The following FHOD3 variants were observed in gnomAD, a reference collection of about 807,000 sequenced individuals.
FHOD3 encodes the protein FH1/FH2 domain-containing protein 3.
FHOD3 carries 90 observed loss-of-function variants against 173.0 expected under a neutral mutation model. The observed-to-expected ratio is 0.52, with a 90% CI of 0.44 to 0.62. FHOD3 has a LOEUF of 0.62. FHOD3 is among the 20% of genes least tolerant of loss of function. The pLI is 0.00. For missense variants in FHOD3, 1,945 were observed against 2,034.7 expected (o/e 0.96, Z 0.85); for synonymous variants, 828 against 823.0 (o/e 1.01, Z -0.10).
chr18:36,568,326 CAAAAAAAAAAAAAAAAAAAAAAA>C (rs71168234), intron 5 of FHOD3, among the ~76,000 whole-genome samples: 7 of 24,064 alleles, frequency 2.9e-4, no homozygotes, highest in South Asian at 1.4e-3. Flanking sequence ...GACTCTGTCT[CAAAAAAAAAAAAAAAAAAAAAAA>C]AAAAAAAAAA....
chr18:36,698,857 G>C (rs927032973), intron 17 of FHOD3, among the ~76,000 whole-genome samples: 1 of 152,202 alleles, frequency 6.6e-6, no homozygotes, highest in African/African-American at 2.4e-5. Context: ...AGGGTGATGT[G>C]AATAGGGCCC....
chr18:36,746,904 G>A (rs201806181), intron 23 of FHOD3, 41 bp from the exon 24 acceptor site: 121 of 1,497,720 alleles, frequency 8.1e-5, no homozygotes, highest in East Asian at 1.7e-4. Flanking sequence ...GCTGGTGTCC[G>A]GCGGTTTCAG....
At chr18:36,325,296 T>G (rs1171561768) in intron 1 of FHOD3, among the ~76,000 whole-genome samples, 1 of 152,096 alleles carries the variant, frequency 6.6e-6, no homozygotes, top group Non-Finnish European at 1.5e-5. Flanking sequence ...TTATATAGCT[T>G]TCTACACGTG....
chr18:36,325,279 CATTGA>C (rs200020956), intron 1 of FHOD3, among the ~76,000 whole-genome samples: 5,057 of 151,996 alleles, frequency 0.033, 267 homozygotes, highest in African/African-American at 0.11. Flanking sequence ...CTATGAGATT[CATTGA>C]TTTATATAGC....
chr18:36,639,708 AGCTACTCGGGAGGCTGAG>A (rs1286044746), intron 10 of FHOD3, among the ~76,000 whole-genome samples: 1 of 151,058 alleles, frequency 6.6e-6, no homozygotes, highest in Non-Finnish European at 1.5e-5. Context: ...CTGTAGTCCC[AGCTACTCGGGAGGCTGAG>A]GCAGGAGAAT....
At chr18:36,675,097 A>C (rs2037763871) in intron 14 of FHOD3, among the ~76,000 whole-genome samples, 1 of 152,090 alleles carries the variant, frequency 6.6e-6, no homozygotes. Flanking sequence ...GATTGTCAGC[A>C]CACTGGGTTG....
chr18:36,625,367 G>A (rs1278205833), intron 9 of FHOD3, 144 bp from the exon 10 acceptor site: 2 of 647,042 alleles, frequency 3.1e-6, no homozygotes, highest in Non-Finnish European at 4.7e-6. Context: ...TGGTTGTGAA[G>A]ACCTGGCAGG....
intron 9 of FHOD3, among the ~76,000 whole-genome samples, chr18:36,621,776 G>T (rs190815883): frequency 2.0e-5 from 3 of 152,112 alleles, no homozygotes; most frequent in Non-Finnish European, 2.9e-5. Flanking sequence ...CAAAGTTAAA[G>T]AAAAAAACTG....
chr18:36,474,366 G>C (rs976603455), intron 3 of FHOD3, among the ~76,000 whole-genome samples: 9 of 152,212 alleles, frequency 5.9e-5, no homozygotes, highest in Non-Finnish European at 1.0e-4. Flanking sequence ...GGAAGGGAGA[G>C]AATAAGGATT....
intron 27 of FHOD3, among the ~76,000 whole-genome samples, chr18:36,762,128 G>A (rs181818280): frequency 6.6e-6 from 1 of 152,232 alleles, no homozygotes; most frequent in East Asian, 1.9e-4. Flanking sequence ...GTGCTTTTTG[G>A]AATCTTGCTG....
chr18:36,485,843 A>G (rs920512509), intron 3 of FHOD3, among the ~76,000 whole-genome samples: 2 of 152,138 alleles, frequency 1.3e-5, no homozygotes, highest in Non-Finnish European at 2.9e-5. Context: ...AGGACCACAA[A>G]GGTTCCCAGC....
chr18:36,511,351 G>A lies in FHOD3; in HGVS notation c.406-1087G>A, dbSNP rs141199512. Among the ~76,000 whole-genome samples the A allele has an allele frequency of 4.8e-4, 71 of 146,608 alleles. 1 individual carries two copies. Among genetic ancestry groups the A allele is most frequent in the Middle Eastern group, 3.5e-3 (1 of 284 alleles). ...TGGGTCTGGCTAGTTAAATGATCTTGCCAATGTTTTTTTTTTTCTTTTCTT... is the reference window on the plus strand; with the variant it reads ...TGGGTCTGGCTAGTTAAATGATCTTACCAATGTTTTTTTTTTTCTTTTCTT... On this transcript the variant is annotated intron_variant, in intron 4 of 28. Transcript: ENST00000590592.
At chr18:36,560,317 T>G (rs1213033779) in intron 5 of FHOD3, among the ~76,000 whole-genome samples, 1 of 152,198 alleles carries the variant, frequency 6.6e-6, no homozygotes, top group Non-Finnish European at 1.5e-5. Context: ...GACCTTGGAA[T>G]GAGGACTGTT....
At chr18:36,450,256 C>A (rs1200798519) in intron 3 of FHOD3, among the ~76,000 whole-genome samples, 3 of 152,116 alleles carry the variant, frequency 2.0e-5, no homozygotes, top group African/African-American at 7.2e-5. Flanking sequence ...AATTCTACTT[C>A]TGACGAGCAG....
At position 36,482,822 on chromosome 18, in the gene FHOD3, A is replaced by AACACACAC. The variant is rs1202251220; in HGVS notation, c.338-19093_338-19086dup. Reference sequence around the variant, plus strand: ...CTATTCCGAGATCATCCGGTGAACAAACACACACACACACACACACACACT... The same window carrying AACACACAC: ...CTATTCCGAGATCATCCGGTGAACAAACACACACACACACACACACACACACACACACT... On this transcript the variant is annotated intron_variant, in intron 3 of 28. Transcript: ENST00000590592. Among the ~76,000 whole-genome samples, 471 of 92,402 alleles carry AACACACAC rather than the reference A, an allele frequency of 5.1e-3. 6 individuals carry two copies. Among genetic ancestry groups the AACACACAC allele is most frequent in the East Asian group, 0.018 (41 of 2,302 alleles). 60.6% of individuals were successfully genotyped at this position (92,402 alleles called of 152,430 possible). A position where few individuals can be genotyped will look rare whatever the true frequency, so the allele number is the denominator to read the frequency against.
intron 14 of FHOD3, among the ~76,000 whole-genome samples, chr18:36,673,326 T>G (rs953758065): frequency 1.3e-5 from 2 of 152,208 alleles, no homozygotes; most frequent in Non-Finnish European, 2.9e-5. Context: ...ATGGAACAAA[T>G]GAACTGTTTA....
intron 9 of FHOD3, among the ~76,000 whole-genome samples, chr18:36,615,549 A>G (rs575122084): frequency 1.2e-4 from 18 of 152,348 alleles, no homozygotes; most frequent in Admixed American, 9.8e-4. Context: ...GAATCTTATT[A>G]GCAAACATGT....
chr18:36,365,568 A>T (rs1337836933), intron 2 of FHOD3, among the ~76,000 whole-genome samples: 1 of 152,194 alleles, frequency 6.6e-6, no homozygotes, highest in African/African-American at 2.4e-5. Flanking sequence ...GTGTTTTTGC[A>T]TTGATGAAAA....
At chr18:36,404,454 C>G (rs971567902) in intron 3 of FHOD3, among the ~76,000 whole-genome samples, 2 of 152,204 alleles carry the variant, frequency 1.3e-5, no homozygotes, top group African/African-American at 4.8e-5. Flanking sequence ...CAGCAGCTGA[C>G]ACCTAAAAGG....
Sources: allele counts gnomAD v4.1 joint callset (sites outside exome capture counted in the v4.1 genomes callset), GRCh38; gene constraint gnomAD v4.1.1; transcripts MANE v1.5; gene names NCBI Gene and HGNC (gene_info 2026-07-23, HGNC 2026-07-21).